NFIA: variants seen among roughly 807,000 people sequenced by gnomAD.
NFIA encodes nuclear factor I A.
A neutral mutation model predicts 62.8 loss-of-function variants in NFIA; 8 were observed. The observed-to-expected ratio is 0.13, with a 90% CI of 0.07 to 0.23. NFIA has a LOEUF of 0.23. Ranked by LOEUF, NFIA falls within the 10% of genes least tolerant of loss-of-function variation. NFIA has a pLI of 1.00. For synonymous variants in NFIA, 235 were observed against 238.1 expected (o/e 0.99, Z 0.12); for missense variants, 410 against 642.1 (o/e 0.64, Z 3.91).
At chr1:61,108,775 T>G (rs1646647278) in intron 2 of NFIA, among the ~76,000 whole-genome samples, 1 of 151,818 alleles carries the variant, frequency 6.6e-6, no homozygotes, top group Non-Finnish European at 1.5e-5. Flanking sequence ...TTGTTAATTT[T>G]CCTCTTATTT....
At chr1:61,171,814 TGCTTGCCTAGAGACA>T (rs1341206201) in intron 2 of NFIA, among the ~76,000 whole-genome samples, 1 of 152,190 alleles carries the variant, frequency 6.6e-6, no homozygotes, top group Non-Finnish European at 1.5e-5. Flanking sequence ...AGGAACTGTG[TGCTTGCCTAGAGACA>T]GCAGCATTTG....
chr1:61,099,053 C>G (rs903823201), intron 2 of NFIA, among the ~76,000 whole-genome samples: 2 of 152,158 alleles, frequency 1.3e-5, no homozygotes, highest in Admixed American at 1.3e-4. Context: ...GACAAACATG[C>G]AAAATGGATA....
chr1:61,389,996 G>C (rs1482241945), intron 7 of NFIA, among the ~76,000 whole-genome samples: 1 of 152,126 alleles, frequency 6.6e-6, no homozygotes, highest in Admixed American at 6.5e-5. Flanking sequence ...GTAGTAGAGT[G>C]AACAAGAGAA....
At chr1:61,387,772 A>G (rs1453583964) in intron 7 of NFIA, among the ~76,000 whole-genome samples, 2 of 152,250 alleles carry the variant, frequency 1.3e-5, no homozygotes, top group Non-Finnish European at 2.9e-5. Context: ...CAAATTGCAT[A>G]TAAATGCACA....
chr1:61,355,553 TTTTATCTTTTCCA>T (rs1371698032), intron 5 of NFIA, among the ~76,000 whole-genome samples: 2 of 151,976 alleles, frequency 1.3e-5, no homozygotes, highest in Non-Finnish European at 1.5e-5. Context: ...TTCCTGATCT[TTTTATCTTTTCCA>T]TGCTCCCTCC....
chr1:61,438,611 C>A (rs1378104036), intron 10 of NFIA, among the ~76,000 whole-genome samples: 1 of 152,036 alleles, frequency 6.6e-6, no homozygotes, highest in Non-Finnish European at 1.5e-5. Context: ...TCCCAAGGAG[C>A]AAGTTAAAGT....
chr1:61,415,374 T>C (rs1248907125), intron 9 of NFIA, among the ~76,000 whole-genome samples: 1 of 151,838 alleles, frequency 6.6e-6, no homozygotes, highest in Non-Finnish European at 1.5e-5. Context: ...AATTTATGCA[T>C]GGAAAAAACA....
At chr1:61,402,112 A>T (rs1665594551) in intron 7 of NFIA, among the ~76,000 whole-genome samples, 1 of 132,016 alleles carries the variant, frequency 7.6e-6, no homozygotes, top group Admixed American at 9.7e-5. Context: ...ATCTCGGCTC[A>T]TTGCAAGATC....
chr1:61,169,267 G>A (rs1025221515), intron 2 of NFIA, among the ~76,000 whole-genome samples: 1 of 152,210 alleles, frequency 6.6e-6, no homozygotes, highest in Non-Finnish European at 1.5e-5. Context: ...GCACAGAAGA[G>A]AGGATTCTAA....
Position 61,458,515 on chromosome 1 carries a change from A to G in NFIA, c.*3195A>G, listed in dbSNP as rs1298931283. The G allele has an allele frequency of 1.3e-5, 2 of 152,166 alleles. No individual in the cohort carries two copies. The highest frequency in any genetic ancestry group is 4.8e-5 in the African/African-American group (2 of 41,444). The allele number at this position is 152,166 out of a possible 1,614,324, so 9.4% of individuals were successfully genotyped here. A position where few individuals can be genotyped will look rare whatever the true frequency, so the allele number is the denominator to read the frequency against. On this transcript the variant is annotated 3_prime_UTR_variant, in exon 11 of 11. Coordinates refer to ENST00000403491, the MANE Select transcript of NFIA (RefSeq NM_001134673.4). ...TGATTACACTGATTTATTCTACCCT[A>G]TTTTATAATGCAGGACTTTTGTAAT...
rs568866262 is a variant in NFIA, at chr1:61,441,388, C to CT, written c.1513-13907dup. 4.2e-4 allele frequency among the ~76,000 whole-genome samples: 63 copies of CT among 149,922 alleles called. 1 individual carries two copies. The East Asian group carries it at 6.6e-3, about 16-fold the overall frequency. The stretch of plus-strand genomic sequence containing the variant: ...TGCTTCCGTCTATGCTCCTGGACAG[C>CT]TTTTTTTTGCATATTTTCCTATCTT... On this transcript the variant is annotated intron_variant, in intron 10 of 10. Transcript: ENST00000403491.
intron 6 of NFIA, among the ~76,000 whole-genome samples, chr1:61,376,215 T>G (rs1027903150): frequency 6.6e-6 from 1 of 152,178 alleles, no homozygotes; most frequent in African/African-American, 2.4e-5. Flanking sequence ...TGTGTGTGTG[T>G]TATAGCCTCT....
At chr1:61,086,789 A>T (rs78600796) in intron 1 of NFIA, among the ~76,000 whole-genome samples, 3,824 of 152,274 alleles carry the variant, frequency 0.025, 79 homozygotes, top group Non-Finnish European at 0.041. Context: ...AATTGTGTTA[A>T]TAATAATATT....
rs555017093 is a variant in NFIA at position 61,298,640 on chromosome 1, G to A, written c.625+21055G>A. ...TGACTATGATTTTGGATAAATAACTGTTTCTCTCTGAGCCTTGGTTTACTT... is the reference window on the plus strand; with the variant it reads ...TGACTATGATTTTGGATAAATAACTATTTCTCTCTGAGCCTTGGTTTACTT... On this transcript the variant is annotated intron_variant, in intron 3 of 10. Coordinates refer to ENST00000403491, the MANE Select transcript of NFIA (RefSeq NM_001134673.4). Among the ~76,000 whole-genome samples the A allele has an allele frequency of 3.1e-4, 47 of 152,160 alleles. No homozygotes were observed. The Middle Eastern group carries it at 0.01, about 33-fold the overall frequency.
chr1:61,402,510 C>T (rs538536317), intron 7 of NFIA, among the ~76,000 whole-genome samples: 18 of 152,218 alleles, frequency 1.2e-4, no homozygotes, highest in African/African-American at 4.3e-4. Flanking sequence ...AGACTCAGTT[C>T]TGGGGATATT....
rs941591621 is a variant in NFIA at position 61,250,523 on chromosome 1, T to C, written c.560-26997T>C. Among the ~76,000 whole-genome samples the C allele has an allele frequency of 5.9e-5, 9 of 152,344 alleles. 1 individual carries two copies. The South Asian group carries it at 1.2e-3, about 21-fold the overall frequency. ...GTATGTGTCATGAATATAATTTCTGTATGATTGGCCAAATTTTTCACTTTT... is the reference window on the plus strand; with the variant it reads ...GTATGTGTCATGAATATAATTTCTGCATGATTGGCCAAATTTTTCACTTTT... On this transcript the variant is annotated intron_variant, in intron 2 of 10. Transcript: ENST00000403491.
chr1:61,272,802 T>C (rs1278651399), intron 2 of NFIA, among the ~76,000 whole-genome samples: 1 of 152,218 alleles, frequency 6.6e-6, no homozygotes, highest in East Asian at 1.9e-4. Flanking sequence ...GTTTTTATAC[T>C]ACAAACAACT....
intron 3 of NFIA, among the ~76,000 whole-genome samples, chr1:61,311,874 A>G (rs1660136664): frequency 6.6e-6 from 1 of 152,174 alleles, no homozygotes; most frequent in Non-Finnish European, 1.5e-5. Context: ...AGTATTATAA[A>G]ATAATCCACC....
chr1:61,198,725 G>A (rs977467198), intron 2 of NFIA, among the ~76,000 whole-genome samples: 3 of 152,200 alleles, frequency 2.0e-5, no homozygotes, highest in Admixed American at 6.5e-5. Flanking sequence ...AGCACCTAGC[G>A]CACAAGCAGA....
Sources: allele counts gnomAD v4.1 joint callset (sites outside exome capture counted in the v4.1 genomes callset), GRCh38; gene constraint gnomAD v4.1.1; transcripts MANE v1.5; gene names NCBI Gene and HGNC (gene_info 2026-07-23, HGNC 2026-07-21).